The following LOC128125817 variants were observed in gnomAD, a reference collection of about 807,000 sequenced individuals.
At chr1:41,593,044 G>T in the LOC128125817 span, among the ~76,000 whole-genome samples, 13 of 152,180 alleles carry the variant, frequency 8.5e-5, no homozygotes, top group African/African-American at 2.7e-4. Context: ...TCTCCTTTGG[G>T]CTTGGGTTCC....
the LOC128125817 span, among the ~76,000 whole-genome samples, chr1:41,599,510 A>T: frequency 1.3e-5 from 2 of 152,220 alleles, no homozygotes; most frequent in African/African-American, 4.8e-5. Context: ...TTTGCAACAC[A>T]TGTTTGAAAA....
chr1:41,586,948 C>T, the LOC128125817 span, among the ~76,000 whole-genome samples: 2 of 151,904 alleles, frequency 1.3e-5, no homozygotes, highest in Admixed American at 1.3e-4. Context: ...GGCAAAAAGT[C>T]AGGATTGGTG....
At chr1:41,592,344 G>T in the LOC128125817 span, among the ~76,000 whole-genome samples, 1 of 152,228 alleles carries the variant, frequency 6.6e-6, no homozygotes, top group Non-Finnish European at 1.5e-5. Flanking sequence ...TGGGCTGAAT[G>T]ATCTCAAGAT....
chr1:41,625,538 A>C, the LOC128125817 span, among the ~76,000 whole-genome samples: 1 of 152,228 alleles, frequency 6.6e-6, no homozygotes, highest in Non-Finnish European at 1.5e-5. Flanking sequence ...CTAATAACAT[A>C]ATAAATATAA....
At chr1:41,619,946 G>A in the LOC128125817 span, among the ~76,000 whole-genome samples, 2 of 152,256 alleles carry the variant, frequency 1.3e-5, no homozygotes, top group East Asian at 1.9e-4. Context: ...GAATTTGCAC[G>A]TCTAGGAATC....
At chr1:41,600,889 T>C in the LOC128125817 span, among the ~76,000 whole-genome samples, 14 of 152,170 alleles carry the variant, frequency 9.2e-5, no homozygotes. Context: ...CTTTAATCCA[T>C]TTTGAGTTGA....
At chr1:41,623,303 C>A in the LOC128125817 span, among the ~76,000 whole-genome samples, 1 of 152,222 alleles carries the variant, frequency 6.6e-6, no homozygotes, top group Non-Finnish European at 1.5e-5. Context: ...TCCTCAGAAA[C>A]AAGGCTGCCC....
the LOC128125817 span, among the ~76,000 whole-genome samples, chr1:41,626,286 G>C: frequency 1.3e-5 from 2 of 152,244 alleles, no homozygotes; most frequent in Non-Finnish European, 2.9e-5. Context: ...CGTGCCAGCA[G>C]TGGCCGTGAT....
chr1:41,600,054 A>G, the LOC128125817 span, among the ~76,000 whole-genome samples: 1 of 152,336 alleles, frequency 6.6e-6, no homozygotes, highest in African/African-American at 2.4e-5. Flanking sequence ...ACAACAAAAA[A>G]AAGAAAAAGA....
At chr1:41,591,660 C>T in the LOC128125817 span, among the ~76,000 whole-genome samples, 3 of 151,962 alleles carry the variant, frequency 2.0e-5, no homozygotes, top group Non-Finnish European at 4.4e-5. Flanking sequence ...ACTTTGCAGC[C>T]TCCAATGTAC....
chr1:41,618,329 C>T, the LOC128125817 span, among the ~76,000 whole-genome samples: 1 of 152,234 alleles, frequency 6.6e-6, no homozygotes, highest in Non-Finnish European at 1.5e-5. Context: ...AGGAGCCAAG[C>T]CTTGTTCCTT....
the LOC128125817 span, among the ~76,000 whole-genome samples, chr1:41,624,272 T>C: frequency 1.3e-5 from 2 of 152,310 alleles, no homozygotes; most frequent in South Asian, 2.1e-4. Flanking sequence ...AGTCTCCAAA[T>C]TGTGTTCCAT....
chr1:41,615,222 T>C, the LOC128125817 span, among the ~76,000 whole-genome samples: 1 of 152,254 alleles, frequency 6.6e-6, no homozygotes, highest in South Asian at 2.1e-4. Flanking sequence ...CTAGTATTTT[T>C]TACTGAATTA....
chr1:41,596,996 A>G, the LOC128125817 span, among the ~76,000 whole-genome samples: 30,873 of 152,004 alleles, frequency 0.2, 4,042 homozygotes, highest in African/African-American at 0.38. Flanking sequence ...TCAATAATGA[A>G]TGGTGGATTT....
At chr1:41,615,462 A>G in the LOC128125817 span, among the ~76,000 whole-genome samples, 2 of 152,348 alleles carry the variant, frequency 1.3e-5, no homozygotes, top group South Asian at 4.1e-4. Context: ...TCTAAAGTCC[A>G]CGTTTGACAG....
At chr1:41,605,162 A>AGAGGGGAGGG in the LOC128125817 span, among the ~76,000 whole-genome samples, 2 of 50,792 alleles carry the variant, frequency 3.9e-5, no homozygotes, top group African/African-American at 1.7e-4. Flanking sequence ...GGAGGGGTGG[A>AGAGGGGAGGG]GAGGGGAGGG....
the LOC128125817 span, among the ~76,000 whole-genome samples, chr1:41,616,803 T>G: frequency 6.6e-6 from 1 of 152,172 alleles, no homozygotes; most frequent in Non-Finnish European, 1.5e-5. Context: ...TCCTCAGCAC[T>G]CGGCCTTCCT....
chr1:41,594,713 AT>A, the LOC128125817 span, among the ~76,000 whole-genome samples: 5 of 151,600 alleles, frequency 3.3e-5, no homozygotes, highest in African/African-American at 7.3e-5. Flanking sequence ...GCTGTACAGA[AT>A]TTTTTTTTGT....
At chr1:41,625,162 C>CAAAAAAA in the LOC128125817 span, among the ~76,000 whole-genome samples, 58 of 71,276 alleles carry the variant, frequency 8.1e-4, no homozygotes, top group Non-Finnish European at 1.1e-3. Context: ...GATTCCAACT[C>CAAAAAAA]AAAAAAAAAA....
Sources: gnomAD v4.1 joint callset for allele counts (sites outside exome capture counted in the v4.1 genomes callset) on GRCh38, gnomAD v4.1.1 for gene constraint, MANE v1.5 for transcripts.